NEK3: variants seen among roughly 807,000 people sequenced by gnomAD.
NEK3 encodes the protein serine/threonine-protein kinase Nek3.
NEK3 carries 54 observed loss-of-function variants against 66.0 expected under a neutral mutation model. The ratio of observed to expected loss-of-function variants is 0.82; its 90% CI spans 0.66 to 1.03. NEK3 has a LOEUF of 1.03. Ranked by LOEUF, NEK3 falls within the 50% of genes least tolerant of loss-of-function variation. NEK3 has a pLI of 0.00. For synonymous variants in NEK3, 200 were observed against 206.2 expected, an observed-to-expected ratio of 0.97 and a Z score of 0.26; for missense variants, 593 against 603.0, an observed-to-expected ratio of 0.98 and a Z score of 0.17.
chr13:52,152,321 AAAT>A (rs1218072339), intron 5 of NEK3, among the ~76,000 whole-genome samples: 1 of 152,208 alleles, frequency 6.6e-6, no homozygotes, highest in African/African-American at 2.4e-5. Context: ...CACCACAAAG[AAAT>A]AATAAGTACG....
At chr13:52,136,950 C>T (rs774827259) in intron 11 of NEK3, 48 bp from the exon 12 acceptor site, 4 of 1,284,048 alleles carry the variant, frequency 3.1e-6, no homozygotes, top group Non-Finnish European at 2.1e-6. Flanking sequence ...TGAATTGCCA[C>T]AAAAAGGTAA....
In NEK3 at chr13:52,152,397, A is replaced by G. The variant is rs143546429; in HGVS notation, c.393+212T>C. The stretch of plus-strand genomic sequence containing the variant: ...TTTTACAGTGTGTGTGTATATATAT[A>G]TAACACGTTGTACGTCATAAACATA... On this transcript the variant is annotated intron_variant, in intron 5 of 15. Coordinates refer to ENST00000610828, the MANE Select transcript of NEK3 (RefSeq NM_002498.3). 2.6e-5 allele frequency among the ~76,000 whole-genome samples: 4 copies of G among 152,320 alleles called. No homozygotes were observed. The East Asian group carries it at 7.7e-4, about 29-fold the overall frequency.
At chr13:52,159,322 C>G (rs1956423767) in intron 1 of NEK3, 1 of 152,318 alleles carries the variant, frequency 6.6e-6, no homozygotes, top group Non-Finnish European at 1.5e-5. Flanking sequence ...CCTGGAAAAG[C>G]CGCTCCGCCC....
At chr13:52,141,104 A>T in intron 10 of NEK3, 35 bp from the exon 11 acceptor site, 1 of 1,557,166 alleles carries the variant, frequency 6.4e-7, no homozygotes, top group Non-Finnish European at 8.7e-7. Flanking sequence ...GAAAGATAAA[A>T]CACATAAAGG....
chr13:52,156,144 G>A lies in NEK3; in HGVS notation c.48C>T (p.Gly16=), dbSNP rs750930966. The A allele has an allele frequency of 4.4e-6, 7 of 1,606,584 alleles. No homozygotes were observed. In the East Asian group the frequency reaches 8.9e-5, roughly 21 times the overall value. ...VLRMIGEGSF[G]RALLVQHESS... is the part of the protein sequence containing the mutation. ...TTTCATGCTGAACCAAAAGAGCTCT[G>A]CCGAAGGAGCCCTCCCCAATCATTC... The change falls in exon 2 of 16, where the codon GGC becomes GGT. Residue 16 remains glycine (G), a synonymous_variant. Transcript: ENST00000610828.
chr13:52,137,754 T>C (rs113892873), intron 11 of NEK3, among the ~76,000 whole-genome samples: 2 of 152,346 alleles, frequency 1.3e-5, no homozygotes, highest in East Asian at 1.9e-4. Flanking sequence ...CACTGCTTTC[T>C]GTGTCTGCAG....
In NEK3 at chr13:52,151,200, G is replaced by A; in HGVS notation, c.494C>T (p.Thr165Ile). The A allele has an allele frequency of 1.2e-6, 2 of 1,610,672 alleles. No homozygotes were observed. The highest frequency in any genetic ancestry group is 1.7e-6 in the Non-Finnish European group (2 of 1,178,542). Residue 165 changes from threonine to isoleucine, a missense_variant, in exon 7 of 16, where the codon ACT (threonine) becomes ATT (isoleucine). Transcript: ENST00000610828. ...PMAFACTYVG[T>I]PYYVPPEIWE... ...AATTTCTGGAGGCACATAATAAGGA[G>A]TTCCCACATAGGTACAAGCAAATGC...
In NEK3 at chr13:52,136,178, G is replaced by A; in HGVS notation, c.1112C>T (p.Ala371Val). The change falls in exon 13 of 16, where the codon GCT becomes GTT. Residue 371 changes from alanine to valine, a missense_variant. Ala to Val is a moderately conservative substitution (Grantham distance 64). Transcript: ENST00000610828. ...RQWEKNVPNT[A>V]LTALENASIL... Reference sequence around the variant, plus strand: ...GGATGCATTTTCCAAAGCTGTAAGAGCTGTATTGGGTACATTTTTCTCCCA... The same window carrying A: ...GGATGCATTTTCCAAAGCTGTAAGAACTGTATTGGGTACATTTTTCTCCCA... 1 of 1,613,754 alleles carries A rather than the reference G, an allele frequency of 6.2e-7. No homozygotes were observed. Among genetic ancestry groups the A allele is most frequent in the Non-Finnish European group, 8.5e-7 (1 of 1,179,720 alleles).
Position 52,154,062 on chromosome 13 carries a change from G to A in NEK3, c.211+18C>T, listed in dbSNP as rs1275963221. 6.2e-7 allele frequency: 1 copy of A among 1,603,230 alleles called. No homozygotes were observed. The highest frequency in any genetic ancestry group is 8.5e-7 in the Non-Finnish European group (1 of 1,171,220). The stretch of plus-strand genomic sequence containing the variant: ...ATCAAATTCAGAAATGCACATATCT[G>A]GGGGAATTCGTATTTACCTTCAAAT... On this transcript the variant is annotated intron_variant, in intron 3 of 15. Transcript: ENST00000610828.
chr13:52,149,523 T>TGG (rs1733300815), intron 7 of NEK3, among the ~76,000 whole-genome samples: 1 of 152,176 alleles, frequency 6.6e-6, no homozygotes, highest in East Asian at 1.9e-4. Context: ...TCATTCTCAT[T>TGG]GGCCATGTTT....
rs1956281174 is a variant in NEK3, at chr13:52,144,816, A to C, written c.679T>G (p.Ser227Ala). 6.2e-7 allele frequency: 1 copy of C among 1,613,350 alleles called. No homozygotes were observed. Among genetic ancestry groups the C allele is most frequent in the Admixed American group, 1.7e-5 (1 of 59,978 alleles). The change falls in exon 9 of 16, where the codon TCC becomes GCC. Residue 227 changes from serine to alanine, a missense_variant. Physicochemically the swap from Ser to Ala is moderately conservative, Grantham distance 99. Transcript: ENST00000610828. ...TTGACTAGGAACTGAAGTTCATAGG[A>C]GTAATGAGACGGCAGTGGACTGATG... ...GCISPLPSHY[S>A]YELQFLVKQM...
Position 52,151,134 on chromosome 13 carries a change from T to C in NEK3, c.548+12A>G. 6.3e-7 allele frequency: 1 copy of C among 1,598,368 alleles called. No homozygotes were observed. Among genetic ancestry groups the C allele is most frequent in the Non-Finnish European group, 8.5e-7 (1 of 1,171,798 alleles). On this transcript the variant is annotated intron_variant, in intron 7 of 15. Transcript: ENST00000610828. ...CAAATGGGCACCCTGACATCAAATA[T>C]GCAGCACTCACCTTTTATTGTTATA...
rs945483154 is a variant in NEK3, at chr13:52,151,391, T to G, written c.395A>C (p.Asn132Thr). The G allele has an allele frequency of 1.9e-6, 3 of 1,579,474 alleles. No individual in the cohort carries two copies. In the African/African-American group the frequency reaches 4.0e-5, roughly 21 times the overall value. The change falls in exon 6 of 16, where the codon AAT (asparagine) becomes ACT (threonine). Residue 132 changes from asparagine to threonine, a missense_variant and splice_region_variant. Asn to Thr is a moderately conservative substitution (Grantham distance 65, BLOSUM62 0). Transcript: ENST00000610828. ...TTTTCCATTCTGAGTGAGGAAGATA[T>G]TCTGCATTTAAAAAGAAAAGCTCAG... ...RVLHRDIKSKNIFLTQNGKVK... is the reference protein window; with the variant it reads ...RVLHRDIKSKTIFLTQNGKVK...
At chr13:52,136,350 TTTC>T in intron 12 of NEK3, 91 bp from the exon 13 acceptor site, 1 of 1,257,910 alleles carries the variant, frequency 7.9e-7, no homozygotes, top group Non-Finnish European at 1.1e-6. Flanking sequence ...TATGGAAGTG[TTTC>T]TTTTCTCTTT....
In NEK3 at chr13:52,144,693, CG is replaced by C. The variant is rs1310043980; in HGVS notation, c.801del (p.Glu268ArgfsTer11). 1.2e-6 allele frequency: 2 copies of C among 1,613,470 alleles called. No individual in the cohort carries two copies. Among genetic ancestry groups the C allele is most frequent in the African/African-American group, 2.7e-5 (2 of 74,894 alleles). The part of the protein sequence containing the change: ...VARLVQKCLP[P>X]EIIMEYGEEV... ...AACCAATCCAACACAGATCATACCT[CG>C]GGGGGTAAGCACTTCTGGACAAGCC... is the stretch of plus-strand genomic sequence containing the variant. On this transcript the variant is annotated frameshift_variant, in exon 9 of 16. Coordinates refer to ENST00000610828, the MANE Select transcript of NEK3 (RefSeq NM_002498.3). LOFTEE classifies it high-confidence loss of function.
rs749659112 is a variant in NEK3, at chr13:52,152,650, T to A, written c.352A>T (p.Ile118Phe). The A allele has an allele frequency of 3.7e-6, 6 of 1,611,648 alleles. No individual in the cohort carries two copies. Among genetic ancestry groups the A allele is most frequent in the Non-Finnish European group, 4.2e-6 (5 of 1,178,892 alleles). ...CTGTGTAGCACACGTTTCTTGTGAATGTGATTTACTCCAAGGCACATTTGG... is the reference window on the plus strand; with the variant it reads ...CTGTGTAGCACACGTTTCTTGTGAAAGTGATTTACTCCAAGGCACATTTGG... ...FTQMCLGVNHIHKKRVLHRDI... is the reference protein window; with the variant it reads ...FTQMCLGVNHFHKKRVLHRDI... Residue 118 changes from isoleucine (I) to phenylalanine (F), a missense_variant, in exon 5 of 16, where the codon ATT becomes TTT. Transcript: ENST00000610828.
intron 12 of NEK3, 60 bp downstream of exon 12, chr13:52,136,740 A>G: frequency 9.5e-7 from 1 of 1,047,598 alleles, no homozygotes; most frequent in Non-Finnish European, 1.4e-6. Context: ...ACCTAGTAAC[A>G]TAAAAATTGG....
chr13:52,154,211 G>T, intron 2 of NEK3, 38 bp from the exon 3 acceptor site: 1 of 1,267,120 alleles, frequency 7.9e-7, no homozygotes, highest in Non-Finnish European at 1.1e-6. Context: ...ACTTAATACT[G>T]CATTTTAAAA....
At chr13:52,133,260 C>G in intron 15 of NEK3, 34 bp from the exon 16 acceptor site, 1 of 1,484,266 alleles carries the variant, frequency 6.7e-7, no homozygotes, top group Non-Finnish European at 9.3e-7. Flanking sequence ...TAAACCTCTA[C>G]ATTAGGGGCA....
Sources: allele counts gnomAD v4.1 joint callset (sites outside exome capture counted in the v4.1 genomes callset), GRCh38; gene constraint gnomAD v4.1.1; transcripts MANE v1.5; gene names NCBI Gene and HGNC (gene_info 2026-07-23, HGNC 2026-07-21).